Variants in CNTNAP1 observed in about 807,000 individuals in gnomAD.
CNTNAP1 encodes the protein contactin associated protein 1.
In CNTNAP1, 80 loss-of-function variants were observed where a neutral mutation model predicts 161.5. The ratio of observed to expected loss-of-function variants is 0.50; its 90% CI spans 0.41 to 0.60. The LOEUF (loss-of-function observed/expected upper bound fraction) is 0.60, where lower values mean the gene tolerates loss of function less well. CNTNAP1 is among the 20% of genes least tolerant of loss of function. The pLI is 0.00. For synonymous variants in CNTNAP1, 695 were observed against 733.1 expected (o/e 0.95, Z 0.84); for missense variants, 1,464 against 1,854.8 (o/e 0.79, Z 3.87).
chr17:42,694,197 G>A (rs1255479170), intron 18 of CNTNAP1, among the ~76,000 whole-genome samples: 2 of 148,828 alleles, frequency 1.3e-5, no homozygotes, highest in African/African-American at 5.0e-5. Flanking sequence ...TTGAGACTGA[G>A]TTTCACTCTT....
chr17:42,686,136 A>C lies in CNTNAP1; in HGVS notation c.895A>C (p.Thr299Pro). ...AGACTTCGAGAGGCTGAACCTGGAC[A>C]CTGAGGTGAGAGACTAGGGAGGTGC... ...NGDFERLNLD[T>P]EMFIGGLVGA... The change falls in exon 6 of 24, where the codon ACT becomes CCT. Residue 299 changes from threonine to proline, a missense_variant. Physicochemically the swap from Thr to Pro is conservative, Grantham distance 38. Transcript: ENST00000264638. 6.2e-7 allele frequency: 1 copy of C among 1,614,174 alleles called. No individual in the cohort carries two copies. The highest frequency in any genetic ancestry group is 8.5e-7 in the Non-Finnish European group (1 of 1,179,994).
In CNTNAP1 at chr17:42,683,805, G is replaced by A; in HGVS notation, c.68-16G>A. 1 of 1,608,184 alleles carries A rather than the reference G, an allele frequency of 6.2e-7. No individual in the cohort carries two copies. On this transcript the variant is annotated splice_polypyrimidine_tract_variant and intron_variant, in intron 1 of 23. Transcript: ENST00000264638. The stretch of plus-strand genomic sequence containing the variant: ...GAGGGGCCAGCGCTGACTAACAGTC[G>A]GTTTCCCTACCCTAGACGGCTGCGA...
intron 17 of CNTNAP1, 94 bp from the exon 18 acceptor site, chr17:42,693,203 C>T: frequency 6.9e-7 from 1 of 1,448,950 alleles, no homozygotes; most frequent in African/African-American, 1.4e-5. Context: ...TCGTGATTCG[C>T]CCGCCTCGGC....
chr17:42,685,699 C>T lies in CNTNAP1; in HGVS notation c.716-258C>T, dbSNP rs868519303. ...CTCCTTGTAAACACACACACACAGACGCACACACATTGTATCTCATTAGCT... is the reference window on the plus strand; with the variant it reads ...CTCCTTGTAAACACACACACACAGATGCACACACATTGTATCTCATTAGCT... On this transcript the variant is annotated intron_variant, in intron 5 of 23. Transcript: ENST00000264638. This position sits in a 1 kb window ranked among gnomAD's most constrained non-coding sequence, Gnocchi z 5.0. 1.3e-5 allele frequency among the ~76,000 whole-genome samples: 2 copies of T among 152,228 alleles called. No homozygotes were observed. The highest frequency in any genetic ancestry group is 4.8e-5 in the African/African-American group (2 of 41,450).
intron 1 of CNTNAP1, chr17:42,683,581 T>A: frequency 7.2e-7 from 1 of 1,382,940 alleles, no homozygotes; most frequent in Non-Finnish European, 9.3e-7. Flanking sequence ...AGGGAGGGTC[T>A]GGCCTTGGGC....
At chr17:42,693,026 G>A (rs538754659) in intron 17 of CNTNAP1, among the ~76,000 whole-genome samples, 6 of 149,242 alleles carry the variant, frequency 4.0e-5, no homozygotes, top group South Asian at 4.2e-4. Context: ...GCACGATCTC[G>A]GCCCACTGCA....
At chr17:42,698,476 TGTGTGC>T in intron 23 of CNTNAP1, 136 bp from the exon 24 acceptor site, 1 of 631,092 alleles carries the variant, frequency 1.6e-6, no homozygotes, top group South Asian at 2.0e-5. Flanking sequence ...TGTGTGTGTG[TGTGTGC>T]AGGTGAAATC....
intron 17 of CNTNAP1, 51 bp from the exon 18 acceptor site, chr17:42,693,246 A>G: frequency 1.2e-6 from 2 of 1,605,530 alleles, no homozygotes; most frequent in Middle Eastern, 1.7e-4. Context: ...GGCGTGAGCC[A>G]CCGCGCCTGG....
chr17:42,683,884 A>G lies in CNTNAP1; in HGVS notation c.131A>G (p.Tyr44Cys), dbSNP rs2052970651. 6.2e-7 allele frequency: 1 copy of G among 1,613,388 alleles called. No homozygotes were observed. Among genetic ancestry groups the G allele is most frequent in the Non-Finnish European group, 8.5e-7 (1 of 1,179,982 alleles). Residue 44 changes from tyrosine (Y) to cysteine (C), a missense_variant, in exon 2 of 24, where the codon TAC becomes TGC. Transcript: ENST00000264638. ...CGCTCCCTGGGCGCCTCCTCCTACTACAGTCTCCTTACTGCGCCGAGATTC... is the reference window on the plus strand; with the variant it reads ...CGCTCCCTGGGCGCCTCCTCCTACTGCAGTCTCCTTACTGCGCCGAGATTC... ...YARSLGASSYYSLLTAPRFAR... is the reference protein window; with the variant it reads ...YARSLGASSYCSLLTAPRFAR...
At chr17:42,689,332 A>G (rs2053056483) in intron 10 of CNTNAP1, among the ~76,000 whole-genome samples, 189 bp from the exon 11 acceptor site, 1 of 151,612 alleles carries the variant, frequency 6.6e-6, no homozygotes, top group South Asian at 2.1e-4. Context: ...AGGAAGGGGG[A>G]ATAGTAGTAC....
In CNTNAP1 at chr17:42,692,635, C is replaced by G. The variant is rs2053103222; in HGVS notation, c.2667C>G (p.Leu889=). The change falls in exon 17 of 24, where the codon CTC becomes CTG. Residue 889 remains leucine, a synonymous_variant. Coordinates refer to ENST00000264638, the MANE Select transcript of CNTNAP1 (RefSeq NM_003632.3). ...AAATCAACGTGAAGCAGGCCCGGCT[C>G]CGAGTGGATCACCGGCCCTGGGTTC... is the stretch of plus-strand genomic sequence containing the variant. ...RAEINVKQAR[L]RVDHRPWVLR... is the part of the protein sequence containing the mutation. The G allele has an allele frequency of 6.2e-7, 1 of 1,614,104 alleles. No individual in the cohort carries two copies. Among genetic ancestry groups the G allele is most frequent in the South Asian group, 1.1e-5 (1 of 91,080 alleles).
intron 20 of CNTNAP1, among the ~76,000 whole-genome samples, chr17:42,696,601 G>A (rs2053155818): frequency 1.3e-5 from 2 of 152,154 alleles, no homozygotes; most frequent in Admixed American, 6.5e-5. Context: ...GGGATTATAA[G>A]CGTGAGCCAC....
At chr17:42,697,846 G>A (rs752888824) in intron 22 of CNTNAP1, 47 bp downstream of exon 22, 4 of 1,614,178 alleles carry the variant, frequency 2.5e-6, no homozygotes, top group Non-Finnish European at 3.4e-6. Flanking sequence ...TGACACGGAA[G>A]GGAATGATTC....
In CNTNAP1 at chr17:42,683,829, G is replaced by A. The variant is rs1399802501; in HGVS notation, c.76G>A (p.Asp26Asn). ...GAEGWGYYGC[D>N]EELVGPLYAR... Reference sequence around the variant, plus strand: ...CGGTTTCCCTACCCTAGACGGCTGCGACGAGGAGCTGGTGGGTCCCCTGTA... The same window carrying A: ...CGGTTTCCCTACCCTAGACGGCTGCAACGAGGAGCTGGTGGGTCCCCTGTA... The change falls in exon 2 of 24, where the codon GAC (aspartate) becomes AAC (asparagine). Residue 26 changes from aspartate (D) to asparagine (N), a missense_variant. Asp to Asn is a conservative substitution (Grantham distance 23, BLOSUM62 1). Transcript: ENST00000264638. 2.5e-6 allele frequency: 4 copies of A among 1,611,576 alleles called. No homozygotes were observed. Among genetic ancestry groups the A allele is most frequent in the Non-Finnish European group, 2.5e-6 (3 of 1,179,916 alleles).
rs551577725 is a variant in CNTNAP1, at chr17:42,693,709, A to G, written c.2992+173A>G. ...CAGTTGAAGATCATGGGTGACTCCA[A>G]AGGCATGGACAAGGAAGGGATGGTA... On this transcript the variant is annotated intron_variant, in intron 18 of 23. Coordinates refer to ENST00000264638, the MANE Select transcript of CNTNAP1 (RefSeq NM_003632.3). Among the ~76,000 whole-genome samples, 3 of 152,272 alleles carry G rather than the reference A, an allele frequency of 2.0e-5. No individual in the cohort carries two copies. In the East Asian group the frequency reaches 5.8e-4, roughly 29 times the overall value.
rs144310425 is a variant in CNTNAP1, at chr17:42,691,276, C to T, written c.2199C>T (p.Asp733=). 2.9e-5 allele frequency: 46 copies of T among 1,614,024 alleles called. No homozygotes were observed. The highest frequency in any genetic ancestry group is 2.1e-4 in the African/African-American group (16 of 74,910). ...ACCCTGCCTTGTACTGCAACTGTGA[C>T]GCTGACCAGCCCCAGTGGTGAGGGG... is the stretch of plus-strand genomic sequence containing the variant. ...CVDPALYCNC[D]ADQPQWRTDK... The change falls in exon 14 of 24, where the codon GAC becomes GAT. Residue 733 remains aspartate, a synonymous_variant. Transcript: ENST00000264638. This position sits in a 1 kb window ranked among gnomAD's most constrained non-coding sequence, Gnocchi z 4.3.
chr17:42,688,895 T>G lies in CNTNAP1; in HGVS notation c.1476T>G (p.Ser492Arg). 1 of 1,613,948 alleles carries G rather than the reference T, an allele frequency of 6.2e-7. No individual in the cohort carries two copies. The highest frequency in any genetic ancestry group is 8.5e-7 in the Non-Finnish European group (1 of 1,179,924). Residue 492 changes from serine to arginine, a missense_variant, in exon 10 of 24, where the codon AGT becomes AGG. By Grantham distance (110) the Ser-to-Arg change is moderately radical. Transcript: ENST00000264638. ...YFFGGCPKPA[S>R]RWDCHSNQTA... The stretch of plus-strand genomic sequence containing the variant: ...CTCCAGGTTGTCCCAAGCCAGCCAG[T>G]CGATGGGACTGCCACTCCAACCAGA...
At position 42,685,827 on chromosome 17, in the gene CNTNAP1, G is replaced by A; in HGVS notation, c.716-130G>A. The A allele has an allele frequency of 1.1e-6, 1 of 925,760 alleles. No homozygotes were observed. Among genetic ancestry groups the A allele is most frequent in the Middle Eastern group, 3.5e-4 (1 of 2,856 alleles). The allele number at this position is 925,760 out of a possible 1,614,324, so 57.3% of individuals were successfully genotyped here. On this transcript the variant is annotated intron_variant, in intron 5 of 23. Transcript: ENST00000264638. This position sits in a 1 kb window ranked among gnomAD's most constrained non-coding sequence, Gnocchi z 5.0. ...TTACCCTGTCACACACTCGCCAATG[G>A]CTGTTGATCTATTCGCCCACTCTCC... is the stretch of plus-strand genomic sequence containing the variant.
At chr17:42,682,942 A>G (rs1275960085) in intron 1 of CNTNAP1, 46 bp downstream of exon 1, 22 of 1,542,014 alleles carry the variant, frequency 1.4e-5, no homozygotes, top group Non-Finnish European at 1.8e-5. Flanking sequence ...CCAGGAGTCC[A>G]GAGCCTGCAG....
Sources: allele counts gnomAD v4.1 joint callset (sites outside exome capture counted in the v4.1 genomes callset), GRCh38; gene constraint gnomAD v4.1.1; non-coding constraint Gnocchi (gnomAD v3.1); transcripts MANE v1.5; gene names NCBI Gene and HGNC (gene_info 2026-07-23, HGNC 2026-07-21).